The following GALNTL6 variants were observed in gnomAD, a reference collection of about 807,000 sequenced individuals.
GALNTL6 encodes the protein polypeptide N-acetylgalactosaminyltransferase-like 6.
GALNTL6 carries 46 observed loss-of-function variants against 73.7 expected under a neutral mutation model. The observed-to-expected ratio is 0.62, with a 90% CI of 0.49 to 0.80. The LOEUF is 0.80. GALNTL6 is among the 30% of genes least tolerant of loss of function. The probability of loss-of-function intolerance (pLI) is 0.00; values close to 1 mark genes in which losing one functional copy is unlikely to be tolerated. For missense variants in GALNTL6, 604 were observed against 755.0 expected (o/e 0.80, Z 2.34); for synonymous variants, 259 against 263.7 (o/e 0.98, Z 0.17).
intron 7 of GALNTL6, among the ~76,000 whole-genome samples, chr4:172,814,173 T>C (rs1741470060): frequency 6.6e-6 from 1 of 152,196 alleles, no homozygotes; most frequent in Non-Finnish European, 1.5e-5. Context: ...TGTGTACCTA[T>C]AACGGAAGCG....
At chr4:172,552,852 A>AAAAAAAC (rs1736010765) in intron 5 of GALNTL6, among the ~76,000 whole-genome samples, 1 of 150,560 alleles carries the variant, frequency 6.6e-6, no homozygotes, top group African/African-American at 2.4e-5. Context: ...AAAAAAAAAA[A>AAAAAAAC]AAAAAGGTAA....
At chr4:172,086,171 A>G (rs1732026172) in intron 2 of GALNTL6, among the ~76,000 whole-genome samples, 1 of 152,138 alleles carries the variant, frequency 6.6e-6, no homozygotes. Flanking sequence ...ATAATAATTT[A>G]TTAACCTTTA....
At chr4:172,859,264 A>G (rs1036635106) in intron 7 of GALNTL6, among the ~76,000 whole-genome samples, 2 of 152,164 alleles carry the variant, frequency 1.3e-5, no homozygotes, top group Non-Finnish European at 2.9e-5. Context: ...GAAAATTATT[A>G]TAGTTTTACC....
chr4:172,886,656 G>A (rs1745737493), intron 8 of GALNTL6, among the ~76,000 whole-genome samples: 1 of 152,084 alleles, frequency 6.6e-6, no homozygotes. Flanking sequence ...CCAGCTACTG[G>A]GGAGGCTGAG....
intron 2 of GALNTL6, among the ~76,000 whole-genome samples, chr4:171,928,833 C>T (rs1182610598): frequency 1.3e-5 from 2 of 152,140 alleles, no homozygotes; most frequent in Non-Finnish European, 2.9e-5. Flanking sequence ...GTGTAGCAGG[C>T]TGCACATCTA....
At chr4:171,911,102 C>CTGAA (rs1200864210) in intron 2 of GALNTL6, among the ~76,000 whole-genome samples, 1 of 152,146 alleles carries the variant, frequency 6.6e-6, no homozygotes, top group African/African-American at 2.4e-5. Flanking sequence ...AGATAAAATG[C>CTGAA]TGTTGGTCCT....
chr4:172,411,031 A>C (rs1195450939), intron 5 of GALNTL6, among the ~76,000 whole-genome samples: 1 of 152,202 alleles, frequency 6.6e-6, no homozygotes, highest in Admixed American at 6.5e-5. Context: ...GATTATGTAC[A>C]TTCGTAAAAT....
At chr4:172,802,623 C>G (rs1392769931) in intron 5 of GALNTL6, among the ~76,000 whole-genome samples, 1 of 151,964 alleles carries the variant, frequency 6.6e-6, no homozygotes, top group Non-Finnish European at 1.5e-5. Flanking sequence ...TGTTGAAACC[C>G]CATCTCTACT....
At chr4:172,929,920 C>T (rs188551292) in intron 8 of GALNTL6, among the ~76,000 whole-genome samples, 12 of 152,050 alleles carry the variant, frequency 7.9e-5, no homozygotes, top group Non-Finnish European at 7.4e-5. Flanking sequence ...ATTAAGTGTG[C>T]GTCTGTCTGA....
intron 8 of GALNTL6, among the ~76,000 whole-genome samples, chr4:172,886,729 C>T (rs1745741452): frequency 6.6e-6 from 1 of 151,846 alleles, no homozygotes; most frequent in Non-Finnish European, 1.5e-5. Context: ...CACCATTGCA[C>T]TCCAGCCTGG....
intron 2 of GALNTL6, among the ~76,000 whole-genome samples, chr4:171,845,704 A>C (rs1458378438): frequency 6.6e-6 from 1 of 152,192 alleles, no homozygotes; most frequent in Admixed American, 6.5e-5. Flanking sequence ...AAGGAGACCA[A>C]GTCTCCAAAT....
chr4:172,744,239 T>C (rs1736967609), intron 5 of GALNTL6, among the ~76,000 whole-genome samples: 1 of 152,118 alleles, frequency 6.6e-6, no homozygotes, highest in Non-Finnish European at 1.5e-5. Context: ...TTGATGGGTA[T>C]AATGGCATTT....
chr4:172,924,850 C>A (rs1747965381), intron 8 of GALNTL6, among the ~76,000 whole-genome samples: 1 of 151,996 alleles, frequency 6.6e-6, no homozygotes. Context: ...GAATGGTATG[C>A]TCAGATTTAT....
intron 5 of GALNTL6, among the ~76,000 whole-genome samples, chr4:172,758,453 T>C (rs1006501433): frequency 1.3e-4 from 20 of 152,246 alleles, no homozygotes; most frequent in African/African-American, 4.8e-4. Context: ...GGAGAATTGC[T>C]TGAACCCAGG....
At chr4:172,519,711 G>A (rs1430937125) in intron 5 of GALNTL6, among the ~76,000 whole-genome samples, 1 of 151,368 alleles carries the variant, frequency 6.6e-6, no homozygotes, top group East Asian at 1.9e-4. Context: ...AGTTGATTTG[G>A]GTTCCTTGCC....
intron 10 of GALNTL6, among the ~76,000 whole-genome samples, chr4:172,953,189 C>A (rs1020282755): frequency 6.6e-6 from 1 of 152,156 alleles, no homozygotes; most frequent in Non-Finnish European, 1.5e-5. Flanking sequence ...CCCCAGGTCC[C>A]AAATTTAAAA....
At chr4:172,135,407 AAGAG>A (rs10602453) in intron 2 of GALNTL6, among the ~76,000 whole-genome samples, 50 of 149,868 alleles carry the variant, frequency 3.3e-4, no homozygotes, top group Admixed American at 1.0e-3. Flanking sequence ...ACTTAGGAAA[AAGAG>A]AGAGAGAGAG....
intron 12 of GALNTL6, among the ~76,000 whole-genome samples, chr4:173,023,008 A>G (rs1295127951): frequency 1.3e-5 from 2 of 152,140 alleles, no homozygotes; most frequent in Non-Finnish European, 1.5e-5. Flanking sequence ...CAGGGATAAG[A>G]TGCCTTCTGT....
At chr4:172,199,744 T>G (rs916645416) in intron 2 of GALNTL6, among the ~76,000 whole-genome samples, 6 of 152,134 alleles carry the variant, frequency 3.9e-5, no homozygotes, top group Admixed American at 1.3e-4. Context: ...TGAAAGATTT[T>G]TTGTTGTTGT....
Sources: gnomAD v4.1 joint callset for allele counts (sites outside exome capture counted in the v4.1 genomes callset) on GRCh38, gnomAD v4.1.1 for gene constraint, MANE v1.5 for transcripts, NCBI Gene and HGNC (gene_info 2026-07-23, HGNC 2026-07-21) for gene names.